The following NRXN1 variants were observed in gnomAD, a reference collection of about 807,000 sequenced individuals.
NRXN1 encodes the protein neurexin-1.
A neutral mutation model predicts 150.9 loss-of-function variants in NRXN1; 39 were observed. That is an observed-to-expected ratio of 0.26 (90% CI 0.20 to 0.34). The LOEUF (loss-of-function observed/expected upper bound fraction) is 0.34. Among genes scored for constraint, NRXN1 ranks in the 10% least tolerant of loss-of-function variants. The pLI, the probability that NRXN1 is intolerant of heterozygous loss-of-function variation, is 1.00. For missense variants in NRXN1, 1,815 were observed against 1,949.9 expected (o/e 0.93, Z 1.30); for synonymous variants, 924 against 757.0 (o/e 1.22, Z -3.62).
At chr2:50,083,609 C>G (rs990868526) in intron 19 of NRXN1, among the ~76,000 whole-genome samples, 7 of 152,108 alleles carry the variant, frequency 4.6e-5, no homozygotes, top group African/African-American at 1.7e-4. Context: ...AGCAGGTGGC[C>G]AGGGCTGGCT....
In NRXN1 at chr2:50,465,506, T is replaced by C. The variant is rs756710366; in HGVS notation, c.3300A>G (p.Gln1100=). The change falls in exon 17 of 23, where the codon CAA becomes CAG. Residue 1100 remains glutamine, a synonymous_variant. Coordinates refer to ENST00000401669, the MANE Select transcript of NRXN1 (RefSeq NM_001330078.2). ...DSCSNQGVCL[Q]QWDGFSCDCS... ...AGTCACAGCTGAAGCCATCCCATTGTTGCAAGCACACACCTTGATTGGAAC... is the reference window on the plus strand; with the variant it reads ...AGTCACAGCTGAAGCCATCCCATTGCTGCAAGCACACACCTTGATTGGAAC... 2.0e-5 allele frequency: 33 copies of C among 1,611,024 alleles called. No homozygotes were observed. The highest frequency in any genetic ancestry group is 2.8e-5 in the Non-Finnish European group (33 of 1,178,216).
chr2:50,762,990 A>G (rs1559226400), intron 5 of NRXN1, among the ~76,000 whole-genome samples: 1 of 151,850 alleles, frequency 6.6e-6, no homozygotes, highest in Non-Finnish European at 1.5e-5. Flanking sequence ...CCCTTTTATA[A>G]CTAAATAGGC....
rs925574642 is a variant in NRXN1, at chr2:50,995,354, T to A, written c.772+32148A>T. 2.0e-5 allele frequency among the ~76,000 whole-genome samples: 3 copies of A among 151,910 alleles called. No homozygotes were observed. The South Asian group carries it at 6.2e-4, about 32-fold the overall frequency. On this transcript the variant is annotated intron_variant, in intron 2 of 22. Coordinates refer to ENST00000401669, the MANE Select transcript of NRXN1 (RefSeq NM_001330078.2). ...GGCTCACACCTGTAATCCCAGCACTTTGTGAGGCCGAGGTGGGTGGATCAC... is the reference window on the plus strand; with the variant it reads ...GGCTCACACCTGTAATCCCAGCACTATGTGAGGCCGAGGTGGGTGGATCAC...
intron 18 of NRXN1, among the ~76,000 whole-genome samples, chr2:50,183,440 C>A (rs1317958804): frequency 1.3e-5 from 2 of 151,420 alleles, no homozygotes; most frequent in Non-Finnish European, 2.9e-5. Context: ...TTTTTTTAAA[C>A]CAACCTCTAT....
intron 17 of NRXN1, among the ~76,000 whole-genome samples, chr2:50,349,323 G>A (rs2152999677): frequency 1.3e-5 from 2 of 152,240 alleles, no homozygotes; most frequent in African/African-American, 4.8e-5. Context: ...AACTGTTTCT[G>A]CCCTTGCCCC....
chr2:49,959,866 A>C (rs540777871), intron 21 of NRXN1, among the ~76,000 whole-genome samples: 1 of 152,206 alleles, frequency 6.6e-6, no homozygotes, highest in South Asian at 2.1e-4. Context: ...CCAGTATCCT[A>C]ACATTCACAA....
intron 10 of NRXN1, among the ~76,000 whole-genome samples, chr2:50,531,922 T>C (rs2093126616): frequency 6.6e-6 from 1 of 152,090 alleles, no homozygotes. Context: ...CTCAGCTCAC[T>C]GCAGCCATGA....
chr2:50,080,095 T>C (rs1697723955), intron 19 of NRXN1, among the ~76,000 whole-genome samples: 1 of 152,128 alleles, frequency 6.6e-6, no homozygotes, highest in African/African-American at 2.4e-5. Context: ...TCCCGTTTTC[T>C]AGTGTATCCA....
At chr2:50,506,333 A>T (rs1277704163) in intron 13 of NRXN1, among the ~76,000 whole-genome samples, 162 bp downstream of exon 13, 1 of 152,162 alleles carries the variant, frequency 6.6e-6, no homozygotes, top group Non-Finnish European at 1.5e-5. Flanking sequence ...CACCTAACAG[A>T]CTGCTTATTT....
intron 2 of NRXN1, among the ~76,000 whole-genome samples, chr2:50,975,307 T>G (rs891038502): frequency 2.6e-5 from 4 of 152,114 alleles, no homozygotes; most frequent in Non-Finnish European, 5.9e-5. Context: ...TTTAAGAACT[T>G]AAAGAGATCA....
chr2:50,656,331 A>C lies in NRXN1; in HGVS notation c.833-32716T>G, dbSNP rs766343088. The C allele has an allele frequency of 6.5e-6, 5 of 768,618 alleles. No individual in the cohort carries two copies. In the South Asian group the frequency reaches 6.9e-5, roughly 11 times the overall value. 47.6% of individuals were successfully genotyped at this position (768,618 alleles called of 1,614,324 possible). On this transcript the variant is annotated intron_variant, in intron 5 of 22. Coordinates refer to ENST00000401669, the MANE Select transcript of NRXN1 (RefSeq NM_001330078.2). ...ATCAATTTTAAAAGTAACACTTATA[A>C]TTCTATACTCTAAAGAGTACCTGAG...
chr2:50,526,897 G>GA (rs1558882935), intron 12 of NRXN1: 1 of 152,064 alleles, frequency 6.6e-6, no homozygotes, highest in African/African-American at 2.4e-5. Flanking sequence ...ATATCCAGAG[G>GA]AAAAATAAGA....
chr2:50,208,673 AATATCCAC>A (rs1458599819), intron 18 of NRXN1, among the ~76,000 whole-genome samples: 1 of 152,074 alleles, frequency 6.6e-6, no homozygotes, highest in African/African-American at 2.4e-5. Context: ...GCAGGTCCTG[AATATCCAC>A]TGTCCTCAGT....
intron 13 of NRXN1, among the ~76,000 whole-genome samples, chr2:50,498,187 C>T (rs2091752591): frequency 6.6e-6 from 1 of 152,080 alleles, no homozygotes; most frequent in Admixed American, 6.6e-5. Flanking sequence ...AAAAATGTGA[C>T]TATATATTTT....
chr2:50,686,588 C>A (rs991702218), intron 5 of NRXN1, among the ~76,000 whole-genome samples: 1 of 152,168 alleles, frequency 6.6e-6, no homozygotes, highest in Non-Finnish European at 1.5e-5. Context: ...CTATAAAATG[C>A]TACATAAGAC....
At chr2:50,491,612 G>A (rs1428933092) in intron 15 of NRXN1, among the ~76,000 whole-genome samples, 1 of 152,174 alleles carries the variant, frequency 6.6e-6, no homozygotes, top group Non-Finnish European at 1.5e-5. Flanking sequence ...CCTTGAAGGA[G>A]TTTTGGGTTT....
chr2:50,784,215 T>C lies in NRXN1; in HGVS notation c.832+137654A>G, dbSNP rs576574780. 9.9e-5 allele frequency among the ~76,000 whole-genome samples: 15 copies of C among 152,274 alleles called. No homozygotes were observed. In the South Asian group the frequency reaches 2.1e-3, roughly 21 times the overall value. ...TGCTAGGCACTAGGGTTATAAAATATATCATAAATGAATCGAGTCCTTAAG... is the reference window on the plus strand; with the variant it reads ...TGCTAGGCACTAGGGTTATAAAATACATCATAAATGAATCGAGTCCTTAAG... On this transcript the variant is annotated intron_variant, in intron 5 of 22. Transcript: ENST00000401669.
At chr2:50,755,195 T>G (rs1701030511) in intron 5 of NRXN1, among the ~76,000 whole-genome samples, 1 of 151,846 alleles carries the variant, frequency 6.6e-6, no homozygotes, top group Non-Finnish European at 1.5e-5. Flanking sequence ...AGCCTATTCA[T>G]TATAGTATAA....
At chr2:50,507,608 T>C (rs2105009113) in intron 12 of NRXN1, among the ~76,000 whole-genome samples, 1 of 121,956 alleles carries the variant, frequency 8.2e-6, no homozygotes, top group East Asian at 2.3e-4. Flanking sequence ...ATTATTGAAA[T>C]GATTAAGTTA....
Sources: allele counts gnomAD v4.1 joint callset (sites outside exome capture counted in the v4.1 genomes callset), GRCh38; gene constraint gnomAD v4.1.1; transcripts MANE v1.5; gene names NCBI Gene and HGNC (gene_info 2026-07-23, HGNC 2026-07-21).